PDE10A: variants seen among roughly 807,000 people sequenced by gnomAD.
PDE10A encodes cAMP and cAMP-inhibited cGMP 3',5'-cyclic phosphodiesterase 10A.
Under a neutral mutation model 97.7 loss-of-function variants are expected in PDE10A, and 39 were observed. The observed-to-expected ratio is 0.40, with a 90% CI of 0.31 to 0.52. PDE10A has a LOEUF of 0.52. Among genes scored for constraint, PDE10A ranks in the 20% least tolerant of loss-of-function variants. The pLI is 0.56. For missense variants in PDE10A, 731 were observed against 1,047.8 expected, an observed-to-expected ratio of 0.70 and a Z score of 4.17; for synonymous variants, 371 against 376.8, an observed-to-expected ratio of 0.98 and a Z score of 0.18.
rs1245115917 is a variant in PDE10A, at chr6:165,433,139, A to C, written c.1336-10T>G. The stretch of plus-strand genomic sequence containing the variant: ...TTGGAAATCGTTCATCCTGAAAAAC[A>C]AAAAGACAAAAAGACATAAATTCAG... On this transcript the variant is annotated splice_polypyrimidine_tract_variant and intron_variant, in intron 6 of 21. Transcript: ENST00000539869. The C allele has an allele frequency of 1.9e-6, 3 of 1,590,198 alleles. No homozygotes were observed. The highest frequency in any genetic ancestry group is 1.7e-6 in the Non-Finnish European group (2 of 1,162,994).
chr6:165,426,321 G>A (rs1472851136), intron 10 of PDE10A, among the ~76,000 whole-genome samples: 1 of 152,122 alleles, frequency 6.6e-6, no homozygotes, highest in Non-Finnish European at 1.5e-5. Flanking sequence ...GAAGTGTACT[G>A]GCATTACCAC....
intron 1 of PDE10A, among the ~76,000 whole-genome samples, chr6:165,554,589 T>C (rs548682206): frequency 1.3e-5 from 2 of 152,086 alleles, no homozygotes; most frequent in African/African-American, 4.8e-5. Flanking sequence ...ACAACCCCTA[T>C]GGAGAAAAGT....
intron 1 of PDE10A, among the ~76,000 whole-genome samples, chr6:165,794,068 T>C (rs955134973): frequency 1.3e-5 from 2 of 152,108 alleles, no homozygotes; most frequent in African/African-American, 2.4e-5. Flanking sequence ...TTTGACTGCA[T>C]GCTCCAGCCT....
At chr6:165,491,254 A>C (rs962826532) in intron 2 of PDE10A, among the ~76,000 whole-genome samples, 3 of 152,184 alleles carry the variant, frequency 2.0e-5, no homozygotes, top group African/African-American at 7.2e-5. Flanking sequence ...CCAAATTTAT[A>C]AAAGACCTAA....
chr6:165,374,457 G>T (rs1784482390), intron 18 of PDE10A, among the ~76,000 whole-genome samples: 1 of 151,518 alleles, frequency 6.6e-6, no homozygotes, highest in South Asian at 2.1e-4. Context: ...TAGAATAAAA[G>T]CTGATATATA....
upstream of PDE10A, among the ~76,000 whole-genome samples, chr6:165,666,758 G>C (rs556605630): frequency 6.6e-6 from 1 of 151,318 alleles, no homozygotes; most frequent in East Asian, 2.0e-4. Context: ...CTAGACTCCT[G>C]GAACTTATGT....
chr6:165,526,566 G>T (rs1004837423), intron 2 of PDE10A, among the ~76,000 whole-genome samples: 3 of 152,216 alleles, frequency 2.0e-5, no homozygotes, highest in Admixed American at 1.3e-4. Context: ...GGACTTGAAA[G>T]ACGAGGGGTG....
chr6:165,829,416 A>G (rs1779848816), intron 1 of PDE10A, among the ~76,000 whole-genome samples: 1 of 152,274 alleles, frequency 6.6e-6, no homozygotes, highest in East Asian at 1.9e-4. Flanking sequence ...CCAATCTCTA[A>G]TGGAAACAAT....
intron 3 of PDE10A, among the ~76,000 whole-genome samples, chr6:165,470,653 A>T (rs1778939090): frequency 6.6e-6 from 1 of 152,190 alleles, no homozygotes; most frequent in Admixed American, 6.5e-5. Context: ...TCTGGTAATC[A>T]ATTAGAAAAC....
At chr6:165,841,200 C>A (rs1256702462) in intron 1 of PDE10A, among the ~76,000 whole-genome samples, 1 of 152,202 alleles carries the variant, frequency 6.6e-6, no homozygotes, top group Non-Finnish European at 1.5e-5. Flanking sequence ...TCTTGTTTGT[C>A]TAGCTCACTG....
chr6:165,802,026 T>C (rs1778999609), intron 1 of PDE10A, among the ~76,000 whole-genome samples: 1 of 152,206 alleles, frequency 6.6e-6, no homozygotes, highest in Non-Finnish European at 1.5e-5. Flanking sequence ...TGAGGACAGA[T>C]GGATGCAGCT....
At chr6:165,932,644 G>A (rs985473490) in intron 1 of PDE10A, among the ~76,000 whole-genome samples, 1 of 152,028 alleles carries the variant, frequency 6.6e-6, no homozygotes, top group African/African-American at 2.4e-5. Context: ...CCTAATTTTT[G>A]TATTTTTAGT....
At chr6:165,343,054 G>A (rs754244475) in intron 19 of PDE10A, among the ~76,000 whole-genome samples, 11 of 152,128 alleles carry the variant, frequency 7.2e-5, no homozygotes, top group Non-Finnish European at 1.2e-4. Flanking sequence ...TGAGTACTTT[G>A]TCCAGTGCCT....
At chr6:165,716,807 T>A (rs1284698029) in intron 1 of PDE10A, among the ~76,000 whole-genome samples, 3 of 152,240 alleles carry the variant, frequency 2.0e-5, no homozygotes, top group Non-Finnish European at 4.4e-5. Flanking sequence ...TTGCAATGGC[T>A]ATTCTTGATT....
chr6:165,629,878 GT>G (rs200492366), intron 1 of PDE10A, among the ~76,000 whole-genome samples: 5 of 136,954 alleles, frequency 3.7e-5, no homozygotes, highest in East Asian at 4.0e-4. Context: ...ATGAATTTTT[GT>G]TTTTTTTTAA....
intron 1 of PDE10A, among the ~76,000 whole-genome samples, chr6:165,685,071 C>A (rs1378331382): frequency 6.6e-6 from 1 of 152,094 alleles, no homozygotes; most frequent in Non-Finnish European, 1.5e-5. Context: ...CTTAAAAAAT[C>A]GCTATGTGAT....
chr6:165,757,044 T>G (rs1214871583), intron 1 of PDE10A, among the ~76,000 whole-genome samples: 4 of 151,766 alleles, frequency 2.6e-5, no homozygotes, highest in Non-Finnish European at 5.9e-5. Flanking sequence ...CTCAGTTCAC[T>G]GCAACATCCA....
chr6:165,405,606 T>C (rs1398527240), intron 13 of PDE10A, among the ~76,000 whole-genome samples: 1 of 152,222 alleles, frequency 6.6e-6, no homozygotes, highest in Non-Finnish European at 1.5e-5. Context: ...GGAATAAGTA[T>C]TGTTTCCGTT....
intron 13 of PDE10A, among the ~76,000 whole-genome samples, chr6:165,412,459 CATT>C (rs1167556552): frequency 1.3e-5 from 2 of 152,124 alleles, no homozygotes; most frequent in African/African-American, 2.4e-5. Flanking sequence ...AAGCTGTCAA[CATT>C]ATTTATGAGA....
Sources: gnomAD v4.1 joint callset for allele counts (sites outside exome capture counted in the v4.1 genomes callset) on GRCh38, gnomAD v4.1.1 for gene constraint, MANE v1.5 for transcripts, NCBI Gene and HGNC (gene_info 2026-07-23, HGNC 2026-07-21) for gene names.